The following SLC8A1 variants were observed in gnomAD, a reference collection of about 807,000 sequenced individuals.
The protein encoded by SLC8A1 is sodium/calcium exchanger 1.
In SLC8A1, 18 loss-of-function variants were observed where a neutral mutation model predicts 68.3. The ratio of observed to expected loss-of-function variants is 0.26; its 90% CI spans 0.18 to 0.39. The LOEUF (loss-of-function observed/expected upper bound fraction) is 0.39. Ranked by LOEUF, SLC8A1 falls within the 10% of genes least tolerant of loss-of-function variation. SLC8A1 has a pLI of 1.00. For missense variants in SLC8A1, 985 were observed against 1,156.7 expected, an observed-to-expected ratio of 0.85 and a Z score of 2.15; for synonymous variants, 475 against 415.5, an observed-to-expected ratio of 1.14 and a Z score of -1.74.
intron 2 of SLC8A1, among the ~76,000 whole-genome samples, chr2:40,261,335 T>C (rs2149094678): frequency 6.6e-6 from 1 of 152,190 alleles, no homozygotes; most frequent in East Asian, 1.9e-4. Context: ...TTTCAGATTC[T>C]CTTTCTTGGT....
intron 2 of SLC8A1, among the ~76,000 whole-genome samples, chr2:40,311,021 G>T (rs1293081047): frequency 1.3e-5 from 2 of 152,002 alleles, no homozygotes; most frequent in Admixed American, 6.6e-5. Flanking sequence ...CAATCTATAG[G>T]TTTAGAAACT....
At chr2:40,376,913 T>C (rs149741210) in intron 2 of SLC8A1, among the ~76,000 whole-genome samples, 20 of 152,176 alleles carry the variant, frequency 1.3e-4, no homozygotes, top group African/African-American at 3.4e-4. Context: ...TATTATGCAA[T>C]AGGTAGAATT....
chr2:40,300,333 C>G (rs1304844502), intron 2 of SLC8A1, among the ~76,000 whole-genome samples: 2 of 152,094 alleles, frequency 1.3e-5, no homozygotes, highest in African/African-American at 4.8e-5. Flanking sequence ...GAAAGCAGAT[C>G]TAGACAGGTC....
At position 40,432,401 on chromosome 2, in the gene SLC8A1, TTGTGTG is replaced by T. The variant is rs112824729; in HGVS notation, c.-24-2103_-24-2098del. 1.0e-4 allele frequency among the ~76,000 whole-genome samples: 13 copies of T among 128,734 alleles called. 1 individual carries two copies. Among genetic ancestry groups the T allele is most frequent in the Admixed American group, 1.0e-3 (12 of 11,898 alleles). The allele number at this position is 128,734 out of a possible 152,430, so 84.5% of individuals were successfully genotyped here. A position where few individuals can be genotyped will look rare whatever the true frequency, so the allele number is the denominator to read the frequency against. ...TATAGAGGACAAGGAGAGTGTGAGA[TTGTGTG>T]TGTGTGTGTGTGTGTGTATGTGTCA... is the stretch of plus-strand genomic sequence containing the variant. On this transcript the variant is annotated intron_variant, in intron 1 of 7. Coordinates refer to ENST00000406785, the Ensembl canonical transcript of SLC8A1.
chr2:40,415,215 G>A (rs1457590531), intron 2 of SLC8A1, among the ~76,000 whole-genome samples: 5 of 152,198 alleles, frequency 3.3e-5, no homozygotes, highest in Non-Finnish European at 7.3e-5. Flanking sequence ...CAGGGCTGGA[G>A]AGGTGGTGAT....
At chr2:40,442,482 A>G (rs1329639371) in intron 1 of SLC8A1, among the ~76,000 whole-genome samples, 1 of 152,094 alleles carries the variant, frequency 6.6e-6, no homozygotes, top group Non-Finnish European at 1.5e-5. Context: ...TCATTTATGC[A>G]GCCAACAAAC....
chr2:40,139,303 G>A (rs2041125816), intron 7 of SLC8A1, 98 bp downstream of exon 10: 1 of 1,378,570 alleles, frequency 7.3e-7, no homozygotes, highest in Non-Finnish European at 1.0e-6. Flanking sequence ...ATAGGTCTTG[G>A]TTTGTTATCA....
intron 6 of SLC8A1, among the ~76,000 whole-genome samples, chr2:40,154,300 T>TC (rs1558547587): frequency 0.012 from 25 of 2,070 alleles, 1 homozygote; most frequent in Non-Finnish European, 0.045. Flanking sequence ...TTATTTATTC[T>TC]TTTTTTTTTT....
chr2:40,098,633 A>C (rs892324423), exon 8 of SLC8A1: 1 of 152,026 alleles, frequency 6.6e-6, no homozygotes, highest in African/African-American at 2.4e-5. Flanking sequence ...AATTTAGTGC[A>C]GTATAAGAAT....
intron 1 of SLC8A1, among the ~76,000 whole-genome samples, chr2:40,482,842 G>A (rs1704722765): frequency 1.4e-5 from 2 of 146,978 alleles, no homozygotes; most frequent in Admixed American, 1.4e-4. Context: ...CCAGGTTGGA[G>A]TGCAGTGGCG....
chr2:40,115,792 G>A (rs1198680319), intron 7 of SLC8A1, among the ~76,000 whole-genome samples, 163 bp from the exon 11 acceptor site: 1 of 152,202 alleles, frequency 6.6e-6, no homozygotes, highest in Non-Finnish European at 1.5e-5. Context: ...GGGGTGAAAA[G>A]AACAGGATCT....
chr2:40,476,702 CCAAAT>C, intron 1 of SLC8A1, among the ~76,000 whole-genome samples: 3 of 152,068 alleles, frequency 2.0e-5, no homozygotes, highest in African/African-American at 7.2e-5. Context: ...GTGGTTAGTG[CCAAAT>C]ACATGGTAGA....
At chr2:40,187,357 G>C (rs1185921369) in intron 2 of SLC8A1, among the ~76,000 whole-genome samples, 1 of 152,174 alleles carries the variant, frequency 6.6e-6, no homozygotes, top group African/African-American at 2.4e-5. Context: ...TGCTAAAGTA[G>C]CTAAACCAAA....
intron 4 of SLC8A1, among the ~76,000 whole-genome samples, chr2:40,168,569 C>G (rs2046940676): frequency 6.6e-6 from 1 of 152,090 alleles, no homozygotes; most frequent in South Asian, 2.1e-4. Context: ...AAATGAGAGC[C>G]AAGTCTAATT....
At chr2:40,217,772 A>C (rs1393678832) in intron 2 of SLC8A1, among the ~76,000 whole-genome samples, 2 of 152,230 alleles carry the variant, frequency 1.3e-5, no homozygotes, top group Non-Finnish European at 2.9e-5. Context: ...CACAACATTG[A>C]CACACATAAT....
At chr2:40,235,710 C>A (rs1326102734) in intron 2 of SLC8A1, among the ~76,000 whole-genome samples, 9 of 151,380 alleles carry the variant, frequency 5.9e-5, no homozygotes, top group Admixed American at 5.9e-4. Flanking sequence ...AATTTTGGAT[C>A]TTTCCTGCTT....
intron 2 of SLC8A1, among the ~76,000 whole-genome samples, chr2:40,249,782 C>T (rs985124934): frequency 1.3e-5 from 2 of 152,084 alleles, no homozygotes; most frequent in African/African-American, 4.8e-5. Flanking sequence ...TATTACTTGG[C>T]TCAAAATATG....
intron 2 of SLC8A1, among the ~76,000 whole-genome samples, chr2:40,398,072 C>A (rs946640874): frequency 5.3e-5 from 8 of 152,194 alleles, no homozygotes; most frequent in African/African-American, 1.9e-4. Flanking sequence ...ATTTCTTCTG[C>A]AGTTATTGAA....
At chr2:40,288,035 T>C (rs2068628392) in intron 2 of SLC8A1, among the ~76,000 whole-genome samples, 1 of 152,132 alleles carries the variant, frequency 6.6e-6, no homozygotes. Flanking sequence ...ACTTCTGCTT[T>C]CCCCTTCTGC....
Sources: gnomAD v4.1 joint callset for allele counts (sites outside exome capture counted in the v4.1 genomes callset) on GRCh38, gnomAD v4.1.1 for gene constraint, MANE v1.5 for transcripts, NCBI Gene and HGNC (gene_info 2026-07-23, HGNC 2026-07-21) for gene names.